The following CHRM3 variants were observed in gnomAD, a reference collection of about 807,000 sequenced individuals.
The protein encoded by CHRM3 is cholinergic receptor muscarinic 3.
CHRM3 carries 11 observed loss-of-function variants against 41.8 expected under a neutral mutation model. That is an observed-to-expected ratio of 0.26 (90% CI 0.17 to 0.44). The LOEUF is 0.44. Among genes scored for constraint, CHRM3 ranks in the 20% least tolerant of loss-of-function variants. The probability of loss-of-function intolerance (pLI) is 1.00; values close to 1 mark genes in which losing one functional copy is unlikely to be tolerated. For missense variants in CHRM3, 571 were observed against 745.4 expected (o/e 0.77, Z 2.72); for synonymous variants, 297 against 301.4 (o/e 0.99, Z 0.15).
At position 239,805,912 on chromosome 1, in the gene CHRM3, G is replaced by A. The variant is rs568942540; in HGVS notation, c.-146-21340G>A. On this transcript the variant is annotated intron_variant, in intron 5 of 6. Coordinates refer to ENST00000676153, the MANE Select transcript of CHRM3 (RefSeq NM_001375978.1). ...TAGTTCTAAAGAGGTTTGCTTTCAC[G>A]GTTTCTTCCTGGCATCTTGATAGTT... 9.2e-5 allele frequency among the ~76,000 whole-genome samples: 14 copies of A among 152,070 alleles called. No homozygotes were observed. The South Asian group carries it at 1.2e-3, about 14-fold the overall frequency.
intron 1 of CHRM3, among the ~76,000 whole-genome samples, chr1:239,455,633 T>C (rs533763151): frequency 6.6e-6 from 1 of 152,168 alleles, no homozygotes; most frequent in African/African-American, 2.4e-5. Flanking sequence ...GCTTATAGTA[T>C]AAGGGTATAA....
intron 5 of CHRM3, among the ~76,000 whole-genome samples, chr1:239,726,179 G>A (rs1475012427): frequency 7.9e-5 from 12 of 151,986 alleles, no homozygotes; most frequent in Non-Finnish European, 7.4e-5. Flanking sequence ...ATTGACCTTT[G>A]TTCTAGCACA....
At chr1:239,553,032 A>G (rs747301003) in intron 3 of CHRM3, among the ~76,000 whole-genome samples, 26 of 152,086 alleles carry the variant, frequency 1.7e-4, no homozygotes, top group Admixed American at 3.3e-4. Flanking sequence ...TTGTCTCTCA[A>G]TCGTCGCAAG....
At chr1:239,549,975 C>G (rs1470309079) in intron 3 of CHRM3, among the ~76,000 whole-genome samples, 1 of 151,606 alleles carries the variant, frequency 6.6e-6, no homozygotes, top group Non-Finnish European at 1.5e-5. Context: ...TATTGTGGGC[C>G]AAGCAGAAGG....
chr1:239,584,559 G>A (rs867468940), intron 3 of CHRM3, among the ~76,000 whole-genome samples: 1 of 152,164 alleles, frequency 6.6e-6, no homozygotes, highest in Non-Finnish European at 1.5e-5. Context: ...AAGAACATAT[G>A]TAAGAAAAGA....
chr1:239,407,417 TAG>T (rs67319486), intron 1 of CHRM3, among the ~76,000 whole-genome samples: 5,614 of 133,950 alleles, frequency 0.042, 278 homozygotes, highest in African/African-American at 0.1. Context: ...TATATATATA[TAG>T]AGAGAGAGAG....
chr1:239,527,461 C>T (rs1364978338), intron 2 of CHRM3, among the ~76,000 whole-genome samples: 1 of 152,204 alleles, frequency 6.6e-6, no homozygotes, highest in African/African-American at 2.4e-5. Context: ...ACCTACCTTT[C>T]CTCAAGCACT....
At chr1:239,884,287 G>C (rs1677885740) in intron 6 of CHRM3, among the ~76,000 whole-genome samples, 1 of 152,190 alleles carries the variant, frequency 6.6e-6, no homozygotes. Flanking sequence ...ACAGAGAAGA[G>C]AGAAGACAAG....
At chr1:239,626,970 T>G (rs1424845183) in intron 3 of CHRM3, among the ~76,000 whole-genome samples, 1 of 100,720 alleles carries the variant, frequency 9.9e-6, no homozygotes, top group Admixed American at 1.0e-4. Context: ...GAAAAAAATG[T>G]ATATTCTGTT....
intron 1 of CHRM3, among the ~76,000 whole-genome samples, chr1:239,477,040 C>G (rs1456394007): frequency 1.3e-5 from 2 of 152,144 alleles, no homozygotes; most frequent in Non-Finnish European, 2.9e-5. Context: ...TTTGGATCAG[C>G]ATGTGCAAAA....
intron 4 of CHRM3, among the ~76,000 whole-genome samples, chr1:239,676,712 T>C (rs1045549902): frequency 1.3e-5 from 2 of 152,140 alleles, no homozygotes; most frequent in African/African-American, 4.8e-5. Context: ...TTAACCTCAG[T>C]TCCCCTAGCA....
At chr1:239,587,233 A>T (rs576555445) in intron 3 of CHRM3, among the ~76,000 whole-genome samples, 40 of 152,254 alleles carry the variant, frequency 2.6e-4, no homozygotes, top group Non-Finnish European at 5.7e-4. Context: ...CTTCTTGCAG[A>T]TCCACGTACT....
chr1:239,815,612 T>A (rs1671512709), intron 5 of CHRM3, among the ~76,000 whole-genome samples: 1 of 152,202 alleles, frequency 6.6e-6, no homozygotes, highest in South Asian at 2.1e-4. Context: ...ACAATAAGCT[T>A]ATAGACTAAA....
intron 5 of CHRM3, among the ~76,000 whole-genome samples, chr1:239,756,110 AT>A (rs1666222489): frequency 6.6e-6 from 1 of 152,156 alleles, no homozygotes; most frequent in African/African-American, 2.4e-5. Context: ...TGACCTACAG[AT>A]TTCTTGGTAC....
At chr1:239,747,699 T>C (rs934344) in intron 5 of CHRM3, among the ~76,000 whole-genome samples, 67,255 of 152,084 alleles carry the variant, frequency 0.44, 15,103 homozygotes, top group Admixed American at 0.52. Context: ...GTTTTCAAAC[T>C]ATTTTATAAG....
chr1:239,543,975 T>C (rs1190563649), intron 2 of CHRM3, among the ~76,000 whole-genome samples: 11 of 152,232 alleles, frequency 7.2e-5, no homozygotes, highest in Admixed American at 7.2e-4. Flanking sequence ...ATTTATAGAC[T>C]CTGATATTTG....
intron 6 of CHRM3, among the ~76,000 whole-genome samples, chr1:239,901,698 A>T (rs1396829699): frequency 6.6e-6 from 1 of 152,126 alleles, no homozygotes; most frequent in African/African-American, 2.4e-5. Context: ...GATTGCTTTT[A>T]TCTGCTGCAT....
intron 5 of CHRM3, among the ~76,000 whole-genome samples, chr1:239,735,387 T>C (rs1011363948): frequency 2.6e-5 from 4 of 152,196 alleles, no homozygotes; most frequent in Non-Finnish European, 4.4e-5. Context: ...CAACTGCAGA[T>C]GTTTCATGTA....
intron 3 of CHRM3, among the ~76,000 whole-genome samples, chr1:239,580,636 G>A (rs1662783823): frequency 7.1e-6 from 1 of 141,170 alleles, no homozygotes; most frequent in Non-Finnish European, 1.5e-5. Context: ...ACCAGTGCTT[G>A]CTCTCATTTG....
Sources: allele counts gnomAD v4.1 joint callset (sites outside exome capture counted in the v4.1 genomes callset), GRCh38; gene constraint gnomAD v4.1.1; transcripts MANE v1.5; gene names NCBI Gene and HGNC (gene_info 2026-07-23, HGNC 2026-07-21).